The following DLGAP2 variants were observed in gnomAD, a reference collection of about 807,000 sequenced individuals.
DLGAP2 encodes the protein DLG associated protein 2.
Under a neutral mutation model 100.3 loss-of-function variants are expected in DLGAP2, and 26 were observed. That is an observed-to-expected ratio of 0.26 (90% confidence interval 0.19 to 0.36). The LOEUF is 0.36. Among genes scored for constraint, DLGAP2 ranks in the 10% least tolerant of loss-of-function variants. The pLI is 1.00. For missense variants in DLGAP2, 1,858 were observed against 1,453.2 expected, an observed-to-expected ratio of 1.28 and a Z score of -4.53; for synonymous variants, 886 against 630.1, an observed-to-expected ratio of 1.41 and a Z score of -6.08.
intron 8 of DLGAP2, among the ~76,000 whole-genome samples, chr8:1,649,751 G>C (rs1798121844): frequency 6.6e-6 from 1 of 152,164 alleles, no homozygotes; most frequent in African/African-American, 2.4e-5. Context: ...TTAAGATAGA[G>C]GATCGTGCTG....
At chr8:1,659,527 T>C (rs571085758) in intron 8 of DLGAP2, among the ~76,000 whole-genome samples, 2 of 152,352 alleles carry the variant, frequency 1.3e-5, no homozygotes, top group Non-Finnish European at 2.9e-5. Context: ...TGGGTGCTCC[T>C]GTATTGGGTG....
intron 4 of DLGAP2, among the ~76,000 whole-genome samples, chr8:1,516,334 CATGA>C (rs1191835584): frequency 7.5e-6 from 1 of 133,810 alleles, no homozygotes; most frequent in Non-Finnish European, 1.6e-5. Flanking sequence ...TGAATGAGTT[CATGA>C]ATGAGTGAGT....
At chr8:1,455,926 G>C (rs1798298688) in intron 3 of DLGAP2, among the ~76,000 whole-genome samples, 1 of 152,190 alleles carries the variant, frequency 6.6e-6, no homozygotes, top group Non-Finnish European at 1.5e-5. Context: ...CAACATGACT[G>C]AGAGGCTGGA....
intron 1 of DLGAP2, among the ~76,000 whole-genome samples, chr8:877,195 A>G (rs1171406438): frequency 6.6e-6 from 1 of 151,728 alleles, no homozygotes; most frequent in Non-Finnish European, 1.5e-5. Context: ...ATACTTTCCT[A>G]TCTCTTTGCA....
intron 2 of DLGAP2, among the ~76,000 whole-genome samples, chr8:1,204,456 CGT>C (rs1439999283): frequency 2.0e-5 from 3 of 152,188 alleles, no homozygotes; most frequent in Non-Finnish European, 4.4e-5. Flanking sequence ...GTGTAATGAC[CGT>C]GTGTGGTCTT....
intron 2 of DLGAP2, among the ~76,000 whole-genome samples, chr8:908,985 A>G (rs1298053135): frequency 1.3e-5 from 2 of 152,248 alleles, no homozygotes; most frequent in African/African-American, 4.8e-5. Context: ...TCAGTAGCCA[A>G]CATTGTCTGT....
At chr8:1,586,790 T>C (rs1467747025) in intron 6 of DLGAP2, among the ~76,000 whole-genome samples, 1 of 152,204 alleles carries the variant, frequency 6.6e-6, no homozygotes, top group Non-Finnish European at 1.5e-5. Flanking sequence ...CACAGAGTGT[T>C]GTAAAGAAAA....
chr8:1,189,376 A>G (rs974463367), intron 2 of DLGAP2, among the ~76,000 whole-genome samples: 1 of 152,242 alleles, frequency 6.6e-6, no homozygotes. Context: ...TGGTCCCTAA[A>G]TAACATTAAG....
intron 3 of DLGAP2, among the ~76,000 whole-genome samples, chr8:1,292,287 A>G (rs1800075685): frequency 6.6e-6 from 1 of 152,164 alleles, no homozygotes; most frequent in East Asian, 1.9e-4. Context: ...TGGCCAAGGA[A>G]TGTGGAAGGA....
At chr8:1,158,648 C>A (rs1275789707) in intron 2 of DLGAP2, among the ~76,000 whole-genome samples, 1 of 152,246 alleles carries the variant, frequency 6.6e-6, no homozygotes, top group Non-Finnish European at 1.5e-5. Context: ...TTTGAACCCG[C>A]AGACGGCCGT....
chr8:981,235 T>C (rs1287423474), intron 2 of DLGAP2, among the ~76,000 whole-genome samples: 1 of 152,216 alleles, frequency 6.6e-6, no homozygotes, highest in Non-Finnish European at 1.5e-5. Context: ...ATCTGGGTTG[T>C]GGCATGCATC....
At chr8:1,041,276 A>G (rs1802338813) in intron 2 of DLGAP2, among the ~76,000 whole-genome samples, 2 of 152,192 alleles carry the variant, frequency 1.3e-5, no homozygotes, top group African/African-American at 2.4e-5. Context: ...AATGGTAACC[A>G]GCGAGTTAGC....
intron 3 of DLGAP2, among the ~76,000 whole-genome samples, chr8:1,315,921 G>A (rs1043834897): frequency 7.3e-6 from 1 of 136,692 alleles, no homozygotes; most frequent in African/African-American, 2.6e-5. Flanking sequence ...AATAGAGCGT[G>A]TGCGAGTGCA....
intron 2 of DLGAP2, among the ~76,000 whole-genome samples, chr8:1,076,407 C>T (rs886655703): frequency 4.6e-5 from 7 of 152,204 alleles, no homozygotes; most frequent in Non-Finnish European, 8.8e-5. Context: ...ATGCAGGAGA[C>T]GTACGGTATT....
At chr8:907,871 G>A (rs56122659) in intron 1 of DLGAP2, 41 bp from the exon 2 acceptor site, 99,058 of 398,322 alleles carry the variant, frequency 0.25, 14,189 homozygotes, top group Non-Finnish European at 0.3. Flanking sequence ...TCCTCCACGC[G>A]AATGATAACA....
intron 6 of DLGAP2, among the ~76,000 whole-genome samples, chr8:1,602,320 T>A (rs1796654846): frequency 6.6e-6 from 1 of 152,244 alleles, no homozygotes; most frequent in Admixed American, 6.5e-5. Context: ...ATTAATGGTG[T>A]GCTCTGATGA....
At chr8:1,026,031 G>A (rs750826077) in intron 2 of DLGAP2, among the ~76,000 whole-genome samples, 13 of 152,230 alleles carry the variant, frequency 8.5e-5, no homozygotes, top group Admixed American at 2.6e-4. Flanking sequence ...GAAGGCTCCG[G>A]CCCGTCCAGG....
chr8:1,480,726 C>T (rs1318530387), intron 3 of DLGAP2, among the ~76,000 whole-genome samples: 1 of 151,472 alleles, frequency 6.6e-6, no homozygotes, highest in African/African-American at 2.4e-5. Flanking sequence ...ACTAGCCAGG[C>T]ATGGTGGTGT....
At chr8:944,949 G>C (rs1018914940) in intron 2 of DLGAP2, among the ~76,000 whole-genome samples, 10 of 152,204 alleles carry the variant, frequency 6.6e-5, no homozygotes, top group African/African-American at 2.4e-4. Context: ...TCTGGTGGGT[G>C]GTAACTGATT....
Sources: allele counts gnomAD v4.1 joint callset (sites outside exome capture counted in the v4.1 genomes callset), GRCh38; gene constraint gnomAD v4.1.1; transcripts MANE v1.5; gene names NCBI Gene and HGNC (gene_info 2026-07-23, HGNC 2026-07-21).